SLC26A5: variants seen among roughly 807,000 people sequenced by gnomAD.
SLC26A5 encodes the protein solute carrier family 26 member 5.
Under a neutral mutation model 81.0 loss-of-function variants are expected in SLC26A5, and 51 were observed. That is an observed-to-expected ratio of 0.63 (90% CI 0.50 to 0.80). The LOEUF (loss-of-function observed/expected upper bound fraction) is 0.80, where lower values mean the gene tolerates loss of function less well. Among genes scored for constraint, SLC26A5 ranks in the 30% least tolerant of loss-of-function variants. The pLI, the probability that SLC26A5 is intolerant of heterozygous loss-of-function variation, is 0.00. For synonymous variants in SLC26A5, 325 were observed against 332.8 expected (o/e 0.98, Z 0.25); for missense variants, 771 against 905.8 (o/e 0.85, Z 1.91).
At chr7:103,413,781 C>A (rs1177751920) in intron 4 of SLC26A5, among the ~76,000 whole-genome samples, 2 of 152,166 alleles carry the variant, frequency 1.3e-5, no homozygotes, top group Non-Finnish European at 2.9e-5. Context: ...CAGTTCACAT[C>A]ATCCTTTAGA....
At chr7:103,428,866 C>T (rs1335634090) in intron 2 of SLC26A5, among the ~76,000 whole-genome samples, 1 of 152,132 alleles carries the variant, frequency 6.6e-6, no homozygotes, top group Non-Finnish European at 1.5e-5. Flanking sequence ...CTGTGCCTGG[C>T]CTGTTAGTGC....
chr7:103,379,052 C>T (rs1218398543), intron 16 of SLC26A5, among the ~76,000 whole-genome samples, 191 bp downstream of exon 16: 6 of 151,952 alleles, frequency 3.9e-5, no homozygotes, highest in South Asian at 2.1e-4. Context: ...GTACTTAATG[C>T]GACCCACTGG....
chr7:103,363,631 A>G (rs534511753), intron 19 of SLC26A5, among the ~76,000 whole-genome samples: 24 of 152,256 alleles, frequency 1.6e-4, no homozygotes, highest in Non-Finnish European at 3.2e-4. Flanking sequence ...TTGAGTGGTC[A>G]GGTATATTTA....
intron 2 of SLC26A5, among the ~76,000 whole-genome samples, chr7:103,428,588 C>G (rs6465919): frequency 0.43 from 59,978 of 139,026 alleles, 16,153 homozygotes; most frequent in African/African-American, 0.77. Context: ...TTGAAACAGA[C>G]ACCTGCTCTT....
At chr7:103,386,746 A>C (rs887731185) in intron 14 of SLC26A5, among the ~76,000 whole-genome samples, 2 of 152,006 alleles carry the variant, frequency 1.3e-5, no homozygotes, top group African/African-American at 2.4e-5. Flanking sequence ...GTAGCTTGTT[A>C]AAAGTTATAG....
chr7:103,430,067 GA>G (rs1399114494), intron 2 of SLC26A5, among the ~76,000 whole-genome samples: 7 of 145,454 alleles, frequency 4.8e-5, no homozygotes, highest in African/African-American at 1.9e-4. Flanking sequence ...TTGAAGGCTG[GA>G]AATGGCACTT....
Position 103,389,352 on chromosome 7 carries a change from A to G in SLC26A5, c.1384T>C (p.Trp462Arg). 1 of 1,613,968 alleles carries G rather than the reference A, an allele frequency of 6.2e-7. No homozygotes were observed. The highest frequency in any genetic ancestry group is 8.5e-7 in the Non-Finnish European group (1 of 1,179,814). ...ACCAGCTCTATTTTGCTGGTTCTCC[A>G]GAAAAAGGGGAGATCTGAGAACTGC... ...FMQFSDLPFF[W>R]RTSKIELTIW... is the part of the protein sequence containing the mutation. Residue 462 changes from tryptophan to arginine, a missense_variant, in exon 13 of 20, where the codon TGG becomes CGG. By Grantham distance (101) the Trp-to-Arg change is moderately radical. Transcript: ENST00000306312.
chr7:103,444,568 G>T (rs942926232), intron 1 of SLC26A5, among the ~76,000 whole-genome samples: 1 of 152,210 alleles, frequency 6.6e-6, no homozygotes, highest in African/African-American at 2.4e-5. Context: ...TCTTAGCAAA[G>T]CGCCTCTATG....
At position 103,367,380 on chromosome 7, in the gene SLC26A5, T is replaced by C. The variant is rs1054864418; in HGVS notation, c.2041+9428A>G. The C allele has an allele frequency of 1.9e-6, 3 of 1,607,704 alleles. No homozygotes were observed. The highest frequency in any genetic ancestry group is 4.5e-5 in the East Asian group (2 of 44,874). On this transcript the variant is annotated intron_variant, in intron 19 of 19. Coordinates refer to the SLC26A5 transcript ENST00000339444. The surrounding 1 kb of genome is among the most constrained non-coding windows in gnomAD (Gnocchi z 6.1). ...TGCATAGTGCTACTCTTGAGTGGAC[T>C]TGAAGAGCTTATCTTTCCTTTTGTC...
chr7:103,361,069 G>A (rs545381003), intron 19 of SLC26A5, among the ~76,000 whole-genome samples: 1 of 149,852 alleles, frequency 6.7e-6, no homozygotes, highest in African/African-American at 2.5e-5. Context: ...AGCCGAGATC[G>A]CACCACTGCA....
rs113265696 is a variant in SLC26A5 at position 103,367,611 on chromosome 7, T to C, written c.2041+9197A>G. ...AAAATTGAATTTAGCTTGCCCGATC[T>C]AGAGGTAAGAAAACCATTTCATTTT... On this transcript the variant is annotated intron_variant, in intron 19 of 19. Transcript: ENST00000339444. The surrounding 1 kb of genome is among the most constrained non-coding windows in gnomAD (Gnocchi z 6.1). 6.2e-7 allele frequency: 1 copy of C among 1,613,976 alleles called. No homozygotes were observed. The highest frequency in any genetic ancestry group is 1.3e-5 in the African/African-American group (1 of 75,062).
At chr7:103,381,807 C>G (rs141309010) in intron 14 of SLC26A5, among the ~76,000 whole-genome samples, 1 of 150,932 alleles carries the variant, frequency 6.6e-6, no homozygotes, top group Admixed American at 6.6e-5. Context: ...GCATATACAA[C>G]CTTCATCCAA....
intron 9 of SLC26A5, among the ~76,000 whole-genome samples, chr7:103,394,209 T>C (rs1822904725): frequency 6.6e-6 from 1 of 152,238 alleles, no homozygotes; most frequent in South Asian, 2.1e-4. Context: ...AGGAACCTAA[T>C]GCCTGTTAAG....
chr7:103,374,267 T>C lies in SLC26A5; in HGVS notation c.*132A>G. The C allele has an allele frequency of 1.3e-6, 2 of 1,489,704 alleles. No individual in the cohort carries two copies. The highest frequency in any genetic ancestry group is 1.4e-5 in the African/African-American group (1 of 70,746). The allele number at this position is 1,489,704 out of a possible 1,614,324, so 92.3% of individuals were successfully genotyped here. ...TACAATACATCTTGCTAGGCGTCATTCACCCTCCAAATCAAGCCTGGACTA... is the reference window on the plus strand; with the variant it reads ...TACAATACATCTTGCTAGGCGTCATCCACCCTCCAAATCAAGCCTGGACTA... On this transcript the variant is annotated 3_prime_UTR_variant, in exon 20 of 20. Coordinates refer to ENST00000306312, the MANE Select transcript of SLC26A5 (RefSeq NM_198999.3).
chr7:103,395,658 T>C (rs1017147348), intron 9 of SLC26A5, among the ~76,000 whole-genome samples: 1 of 151,046 alleles, frequency 6.6e-6, no homozygotes, highest in Non-Finnish European at 1.5e-5. Flanking sequence ...AATAGTGGGA[T>C]TACAGGCACC....
At chr7:103,353,010 A>T (rs957799831) in intron 19 of SLC26A5, 11 of 777,678 alleles carry the variant, frequency 1.4e-5, no homozygotes, top group Non-Finnish European at 2.6e-5. Flanking sequence ...TGACCATGAA[A>T]GCACATGAGT....
Position 103,393,021 on chromosome 7 carries a change from C to T in SLC26A5, c.1017G>A (p.Val339=). 2 of 1,613,988 alleles carry T rather than the reference C, an allele frequency of 1.2e-6. No individual in the cohort carries two copies. Among genetic ancestry groups the T allele is most frequent in the African/African-American group, 1.3e-5 (1 of 75,048 alleles). The change falls in exon 10 of 20, where the codon GTG becomes GTA. Residue 339 remains valine, a synonymous_variant. Coordinates refer to ENST00000306312, the MANE Select transcript of SLC26A5 (RefSeq NM_198999.3). The part of the protein sequence containing the change: ...ANPDTSLFHL[V]YVDAIAIAIV... ...TGGCTATGGCAATGGCATCTACGTA[C>T]ACAAGGTGGAAGAGGCTGGTGTCCG... is the stretch of plus-strand genomic sequence containing the variant.
chr7:103,394,456 C>T (rs770643310), intron 9 of SLC26A5, among the ~76,000 whole-genome samples: 4 of 152,168 alleles, frequency 2.6e-5, no homozygotes, highest in Non-Finnish European at 4.4e-5. Context: ...GGCCTAGCAG[C>T]AGGTTTGGGC....
In SLC26A5 at chr7:103,367,666, C is replaced by T; in HGVS notation, c.2041+9142G>A. On this transcript the variant is annotated intron_variant, in intron 19 of 19. Transcript: ENST00000339444. The surrounding 1 kb of genome is among the most constrained non-coding windows in gnomAD (Gnocchi z 6.1). ...AAGGGATTTTTGAAGTTTTTTCTTCCTGTGATTTTTTTCCATTTTAATATT... is the reference window on the plus strand; with the variant it reads ...AAGGGATTTTTGAAGTTTTTTCTTCTTGTGATTTTTTTCCATTTTAATATT... 1 of 1,608,198 alleles carries T rather than the reference C, an allele frequency of 6.2e-7. No individual in the cohort carries two copies. The highest frequency in any genetic ancestry group is 8.5e-7 in the Non-Finnish European group (1 of 1,177,140).
Sources: allele counts gnomAD v4.1 joint callset (sites outside exome capture counted in the v4.1 genomes callset), GRCh38; gene constraint gnomAD v4.1.1; non-coding constraint Gnocchi (gnomAD v3.1); transcripts MANE v1.5; gene names NCBI Gene and HGNC (gene_info 2026-07-23, HGNC 2026-07-21).